Variants in USH2A observed in about 807,000 individuals in gnomAD.
The protein encoded by USH2A is Usher syndrome 2A (autosomal recessive, mild).
Under a neutral mutation model 538.9 loss-of-function variants are expected in USH2A, and 443 were observed. The ratio of observed to expected loss-of-function variants is 0.82; its 90% confidence interval spans 0.76 to 0.89. USH2A has a LOEUF of 0.89. USH2A is among the 40% of genes least tolerant of loss of function. USH2A has a pLI of 0.00. For missense variants in USH2A, 6,633 were observed against 6,324.8 expected (o/e 1.05, Z -1.65); for synonymous variants, 2,413 against 2,273.5 (o/e 1.06, Z -1.75).
intron 21 of USH2A, among the ~76,000 whole-genome samples, chr1:216,168,763 C>T (rs2034219232): frequency 6.6e-6 from 1 of 152,092 alleles, no homozygotes; most frequent in South Asian, 2.1e-4. Context: ...TTTGCAGTCC[C>T]TTAACTCATG....
intron 21 of USH2A, among the ~76,000 whole-genome samples, chr1:216,161,706 G>A (rs936041307): frequency 6.6e-6 from 1 of 151,680 alleles, no homozygotes; most frequent in Non-Finnish European, 1.5e-5. Context: ...GTCTTTTGAT[G>A]ATAACTTTTT....
Position 216,084,909 on chromosome 1 carries a change from T to C in USH2A, c.4988-32A>G, listed in dbSNP as rs72746307. 1.5e-3 allele frequency: 2,397 copies of C among 1,601,506 alleles called. 14 individuals are homozygous for C. The highest frequency in any genetic ancestry group is 4.8e-3 in the Middle Eastern group (27 of 5,638). On this transcript the variant is annotated intron_variant, in intron 24 of 71. Coordinates refer to ENST00000307340, the MANE Select transcript of USH2A (RefSeq NM_206933.4). Reference sequence around the variant, plus strand: ...GAGTTTATAGATATCAAGAAATATATATTTTGAAAGATTATTTTCAAGCAA... The same window carrying C: ...GAGTTTATAGATATCAAGAAATATACATTTTGAAAGATTATTTTCAAGCAA...
chr1:216,231,585 G>A (rs950832856), intron 14 of USH2A, among the ~76,000 whole-genome samples: 1 of 150,424 alleles, frequency 6.6e-6, no homozygotes, highest in Non-Finnish European at 1.5e-5. Flanking sequence ...GTCTTGCCCT[G>A]TCTCCCAGGC....
Position 215,741,371 on chromosome 1 carries a change from T to G in USH2A, c.11711+4A>C. On this transcript the variant is annotated splice_donor_region_variant and intron_variant, in intron 60 of 71. Coordinates refer to ENST00000307340, the MANE Select transcript of USH2A (RefSeq NM_206933.4). Reference sequence around the variant, plus strand: ...CTAAAAATAATAGTAACAGCCAATCTTACCTGTAAATAAAGTAGTTGATGA... The same window carrying G: ...CTAAAAATAATAGTAACAGCCAATCGTACCTGTAAATAAAGTAGTTGATGA... 1 of 1,614,108 alleles carries G rather than the reference T, an allele frequency of 6.2e-7. No homozygotes were observed. Among genetic ancestry groups the G allele is most frequent in the Non-Finnish European group, 8.5e-7 (1 of 1,180,000 alleles).
Position 215,782,809 on chromosome 1 carries a change from G to A in USH2A, c.10514C>T (p.Pro3505Leu), listed in dbSNP as rs186570255. Residue 3505 changes from proline to leucine, a missense_variant, in exon 53 of 72, where the codon CCT becomes CTT. Physicochemically the swap from Pro to Leu is moderately conservative, Grantham distance 98 (BLOSUM62 -3). Transcript: ENST00000307340. ...KEDVPQGVSP[P>L]TWTKIDNLED... The stretch of plus-strand genomic sequence containing the variant: ...AAGATTGTCTATTTTGGTCCACGTA[G>A]GGGGACTCACTCCTTGAGGCACATC... 6.2e-7 allele frequency: 1 copy of A among 1,613,956 alleles called. No individual in the cohort carries two copies. The highest frequency in any genetic ancestry group is 2.2e-5 in the East Asian group (1 of 44,858).
intron 3 of USH2A, among the ~76,000 whole-genome samples, chr1:216,383,480 T>C (rs551193833): frequency 2.2e-4 from 33 of 152,324 alleles, no homozygotes; most frequent in African/African-American, 7.7e-4. Flanking sequence ...GAAATAAAAA[T>C]ATCATTTTAC....
At position 216,251,164 on chromosome 1, in the gene USH2A, G is replaced by C. The variant is rs914988608; in HGVS notation, c.1972-66C>G. The C allele has an allele frequency of 2.6e-6, 4 of 1,528,012 alleles. No homozygotes were observed. In the African/African-American group the frequency reaches 4.1e-5, roughly 16 times the overall value. 94.7% of individuals were successfully genotyped at this position (1,528,012 alleles called of 1,614,324 possible). A position where few individuals can be genotyped will look rare whatever the true frequency, so the allele number is the denominator to read the frequency against. On this transcript the variant is annotated intron_variant, in intron 11 of 71. Coordinates refer to ENST00000307340, the MANE Select transcript of USH2A (RefSeq NM_206933.4). ...TATTTTTAGATAATTTGCTCATTAGGTACAAGACAGGGAGGGAGGGAGAAG... is the reference window on the plus strand; with the variant it reads ...TATTTTTAGATAATTTGCTCATTAGCTACAAGACAGGGAGGGAGGGAGAAG...
intron 38 of USH2A, among the ~76,000 whole-genome samples, chr1:215,902,171 AAGG>A (rs976722748): frequency 2.0e-5 from 3 of 152,144 alleles, no homozygotes; most frequent in African/African-American, 7.2e-5. Flanking sequence ...ATTGGTGAAG[AAGG>A]AGAAGTGATC....
intron 46 of USH2A, among the ~76,000 whole-genome samples, chr1:215,843,467 A>G (rs1299981117): frequency 3.3e-5 from 5 of 152,118 alleles, no homozygotes; most frequent in African/African-American, 7.2e-5. Flanking sequence ...AGTATTCCCT[A>G]TACTTTTTCT....
chr1:216,282,619 G>T (rs1180571820), intron 11 of USH2A, among the ~76,000 whole-genome samples: 1 of 152,222 alleles, frequency 6.6e-6, no homozygotes, highest in East Asian at 1.9e-4. Context: ...GTACCATGCT[G>T]TCTTGATTAT....
chr1:216,181,667 T>C (rs1026486074), intron 20 of USH2A, among the ~76,000 whole-genome samples: 3 of 152,048 alleles, frequency 2.0e-5, no homozygotes, highest in African/African-American at 7.2e-5. Context: ...CAACCACCAT[T>C]CCCTAAAGTC....
chr1:215,900,253 G>T, intron 39 of USH2A, 36 bp from the exon 40 acceptor site: 1 of 1,609,856 alleles, frequency 6.2e-7, no homozygotes, highest in South Asian at 1.1e-5. Flanking sequence ...GGAAGTTTTC[G>T]ACATTCAAAG....
At position 216,370,677 on chromosome 1, in the gene USH2A, CAAAAAAAAAAAA is replaced by C. The variant is rs58845914; in HGVS notation, c.652-5604_652-5593del. Among the ~76,000 whole-genome samples, 4 of 29,990 alleles carry C rather than the reference CAAAAAAAAAAAA, an allele frequency of 1.3e-4. 1 individual carries two copies. Among genetic ancestry groups the C allele is most frequent in the Non-Finnish European group, 1.2e-4 (2 of 16,362 alleles). 19.7% of individuals were successfully genotyped at this position (29,990 alleles called of 152,430 possible). A position where few individuals can be genotyped will look rare whatever the true frequency, so the allele number is the denominator to read the frequency against. The stretch of plus-strand genomic sequence containing the variant: ...TGGGGAACAGAGCCAGACTCTGTCT[CAAAAAAAAAAAA>C]AAAAAAAAAAAAATACTCAAGGTGC... On this transcript the variant is annotated intron_variant, in intron 3 of 71. Transcript: ENST00000307340.
At chr1:216,005,516 T>C (rs1454464647) in intron 32 of USH2A, among the ~76,000 whole-genome samples, 2 of 152,172 alleles carry the variant, frequency 1.3e-5, no homozygotes, top group African/African-American at 4.8e-5. Flanking sequence ...TTACTTGTTG[T>C]AAATGAATGA....
chr1:215,965,684 T>C (rs1198130637), intron 36 of USH2A, among the ~76,000 whole-genome samples: 1 of 152,080 alleles, frequency 6.6e-6, no homozygotes, highest in African/African-American at 2.4e-5. Context: ...GAATTTGAGC[T>C]CTTGACCAAG....
Position 216,083,473 on chromosome 1 carries a change from C to T in USH2A, c.5281G>A (p.Gly1761Arg). The T allele has an allele frequency of 6.2e-7, 1 of 1,611,744 alleles. No individual in the cohort carries two copies. Among genetic ancestry groups the T allele is most frequent in the South Asian group, 1.1e-5 (1 of 90,940 alleles). The change falls in exon 26 of 72, where the codon GGA becomes AGA. Residue 1761 changes from glycine (G) to arginine (R), a missense_variant. Physicochemically the swap from Gly to Arg is moderately radical, Grantham distance 125. Coordinates refer to ENST00000307340, the MANE Select transcript of USH2A (RefSeq NM_206933.4). ...GLLLFVYNKD[G>R]PDFLAMELKS... ...TCACATACAGCAAGAAAATCAGGTC[C>T]ATCTTTGTTATAAACGAAAAGAAGC... is the stretch of plus-strand genomic sequence containing the variant.
rs76217965 is a variant in USH2A at position 216,113,779 on chromosome 1, C to T, written c.4628-16566G>A. ...AAAATCTAAATGTTTTCAATAATGG[C>T]GTCTTCCTTTGCTTTTTATAATTGG... On this transcript the variant is annotated intron_variant, in intron 21 of 71. Transcript: ENST00000307340. Among the ~76,000 whole-genome samples the T allele has an allele frequency of 8.1e-3, 1,222 of 151,716 alleles. 17 individuals are homozygous for T. Among genetic ancestry groups the T allele is most frequent in the African/African-American group, 0.028 (1,142 of 41,466 alleles).
At chr1:216,411,087 A>G (rs1187657472) in intron 3 of USH2A, among the ~76,000 whole-genome samples, 1 of 152,094 alleles carries the variant, frequency 6.6e-6, no homozygotes, top group Admixed American at 6.6e-5. Flanking sequence ...TTCCATTTAA[A>G]AAAAAAATCT....
At chr1:215,781,795 C>T (rs1025918817) in intron 54 of USH2A, among the ~76,000 whole-genome samples, 1 of 152,154 alleles carries the variant, frequency 6.6e-6, no homozygotes, top group Non-Finnish European at 1.5e-5. Flanking sequence ...AAAGATGGTA[C>T]TGCTTCAAGA....
Sources: gnomAD v4.1 joint callset for allele counts (sites outside exome capture counted in the v4.1 genomes callset) on GRCh38, gnomAD v4.1.1 for gene constraint, MANE v1.5 for transcripts, NCBI Gene and HGNC (gene_info 2026-07-23, HGNC 2026-07-21) for gene names.